PTPRQ: variants seen among roughly 807,000 people sequenced by gnomAD.
PTPRQ encodes the protein protein tyrosine phosphatase receptor type Q.
In PTPRQ, 199 loss-of-function variants were observed where a neutral mutation model predicts 246.0. The observed-to-expected ratio is 0.81, with a 90% confidence interval of 0.72 to 0.91. The LOEUF (loss-of-function observed/expected upper bound fraction) is 0.91. Among genes scored for constraint, PTPRQ ranks in the 40% least tolerant of loss-of-function variants. The probability of loss-of-function intolerance (pLI) is 0.00; values close to 1 mark genes in which losing one functional copy is unlikely to be tolerated. For synonymous variants in PTPRQ, 869 were observed against 853.2 expected (o/e 1.02, Z -0.32); for missense variants, 2,624 against 2,528.4 (o/e 1.04, Z -0.81).
chr12:80,449,552 A>T (rs1369299297), intron 3 of PTPRQ, among the ~76,000 whole-genome samples: 1 of 151,996 alleles, frequency 6.6e-6, no homozygotes, highest in Non-Finnish European at 1.5e-5. Context: ...TGATTTTTGT[A>T]TAAGGTGTAA....
At chr12:80,620,467 T>C in intron 32 of PTPRQ, 91 bp downstream of exon 32, 1 of 1,512,570 alleles carries the variant, frequency 6.6e-7, no homozygotes. Context: ...ATCTTTCCAA[T>C]AAGCACTGGA....
At chr12:80,668,965 T>C (rs1900876091) in intron 39 of PTPRQ, 42 bp from the exon 40 acceptor site, 4 of 1,514,368 alleles carry the variant, frequency 2.6e-6, no homozygotes, top group Middle Eastern at 1.7e-4. Flanking sequence ...ACACTGTATC[T>C]GTGAACACAG....
intron 37 of PTPRQ, among the ~76,000 whole-genome samples, chr12:80,651,814 A>G (rs769854441): frequency 6.4e-4 from 97 of 152,126 alleles, no homozygotes; most frequent in Non-Finnish European, 5.3e-4. Context: ...TTGGGTTAAA[A>G]AAATTTTGTA....
chr12:80,537,886 G>T (rs1896034772), intron 19 of PTPRQ, among the ~76,000 whole-genome samples: 2 of 152,112 alleles, frequency 1.3e-5, no homozygotes, highest in South Asian at 4.1e-4. Flanking sequence ...GAAGCAGGTG[G>T]ATCACGAGGT....
intron 33 of PTPRQ, among the ~76,000 whole-genome samples, chr12:80,630,310 G>C (rs1565829258): frequency 6.6e-6 from 1 of 151,854 alleles, no homozygotes; most frequent in East Asian, 1.9e-4. Context: ...CCCATATTTT[G>C]GATCTGTCTG....
intron 41 of PTPRQ, 106 bp from the exon 42 acceptor site, chr12:80,670,238 A>G: frequency 1.4e-6 from 2 of 1,460,412 alleles, no homozygotes; most frequent in East Asian, 2.5e-5. Flanking sequence ...GGTTTGGTAA[A>G]TAGTCATTTT....
At chr12:80,468,103 T>G (rs1470732679) in intron 6 of PTPRQ, among the ~76,000 whole-genome samples, 15 of 152,180 alleles carry the variant, frequency 9.9e-5, no homozygotes, top group African/African-American at 3.6e-4. Context: ...TGGAATTGTT[T>G]TATTTCAATT....
intron 26 of PTPRQ, among the ~76,000 whole-genome samples, chr12:80,602,477 GAGGTCCAAGATGA>G (rs1898174833): frequency 6.6e-6 from 1 of 151,766 alleles, no homozygotes; most frequent in South Asian, 2.1e-4. Context: ...TGGAAGCTGG[GAGGTCCAAGATGA>G]AGGTGCAGAC....
intron 39 of PTPRQ, among the ~76,000 whole-genome samples, chr12:80,660,717 C>T (rs1404478830): frequency 1.3e-5 from 2 of 151,986 alleles, no homozygotes; most frequent in Non-Finnish European, 2.9e-5. Context: ...ACATTAGAAA[C>T]ATCAGATTTG....
chr12:80,518,790 T>A (rs1895382670), intron 17 of PTPRQ, among the ~76,000 whole-genome samples: 2 of 152,190 alleles, frequency 1.3e-5, no homozygotes, highest in Non-Finnish European at 2.9e-5. Context: ...TCATTGTAGG[T>A]ATGTGAACTT....
chr12:80,498,604 A>G (rs1894700525), intron 14 of PTPRQ, among the ~76,000 whole-genome samples: 2 of 152,100 alleles, frequency 1.3e-5, no homozygotes, highest in South Asian at 2.1e-4. Context: ...TTCACAGCAC[A>G]TGCTGTTTTT....
intron 19 of PTPRQ, among the ~76,000 whole-genome samples, chr12:80,537,362 G>A (rs1355230619): frequency 6.6e-6 from 1 of 151,972 alleles, no homozygotes; most frequent in African/African-American, 2.4e-5. Context: ...ACAGAACTTT[G>A]TAGAATATGT....
intron 17 of PTPRQ, among the ~76,000 whole-genome samples, chr12:80,518,778 G>C (rs1895382180): frequency 6.6e-6 from 1 of 152,130 alleles, no homozygotes; most frequent in Non-Finnish European, 1.5e-5. Context: ...GCAAGAATGA[G>C]TTCATTGTAG....
At chr12:80,507,626 T>C (rs918530383) in intron 16 of PTPRQ, among the ~76,000 whole-genome samples, 1 of 151,950 alleles carries the variant, frequency 6.6e-6, no homozygotes, top group Non-Finnish European at 1.5e-5. Flanking sequence ...TGTTTTAACC[T>C]CTACCAAAGC....
rs570565449 is a variant in PTPRQ at position 80,630,335 on chromosome 12, A to T, written c.5687-1857A>T. The stretch of plus-strand genomic sequence containing the variant: ...GGATCTGTCTGGTGGTTTTCTCTTG[A>T]TGTCCTTTAATTTTTTTTCTTTCCA... On this transcript the variant is annotated intron_variant, in intron 33 of 44. Coordinates refer to ENST00000644991, the MANE Select transcript of PTPRQ (RefSeq NM_001145026.2). 3.3e-4 allele frequency among the ~76,000 whole-genome samples: 50 copies of T among 152,070 alleles called. 1 individual carries two copies. In the South Asian group the frequency reaches 0.01, roughly 31 times the overall value.
intron 8 of PTPRQ, among the ~76,000 whole-genome samples, chr12:80,477,270 G>A (rs1247879918): frequency 1.3e-5 from 2 of 151,890 alleles, no homozygotes; most frequent in Non-Finnish European, 1.5e-5. Flanking sequence ...AAATTAAAAC[G>A]CAGTCTAATT....
chr12:80,631,545 C>G (rs1899436375), intron 33 of PTPRQ, among the ~76,000 whole-genome samples: 1 of 152,142 alleles, frequency 6.6e-6, no homozygotes, highest in Admixed American at 6.5e-5. Flanking sequence ...TTGTTAGCTT[C>G]CTAGATCTCT....
At chr12:80,477,605 T>A (rs1005285676) in intron 8 of PTPRQ, among the ~76,000 whole-genome samples, 11 of 152,254 alleles carry the variant, frequency 7.2e-5, no homozygotes, top group Admixed American at 6.5e-5. Flanking sequence ...ATTTCTGCAT[T>A]TCCATCTGAG....
At chr12:80,604,908 G>T in intron 26 of PTPRQ, 151 bp from the exon 27 acceptor site, 1 of 718,430 alleles carries the variant, frequency 1.4e-6, no homozygotes, top group Non-Finnish European at 1.9e-6. Context: ...TTTTTATTTG[G>T]TAATGCCTTT....
Sources: allele counts gnomAD v4.1 joint callset (sites outside exome capture counted in the v4.1 genomes callset), GRCh38; gene constraint gnomAD v4.1.1; transcripts MANE v1.5; gene names NCBI Gene and HGNC (gene_info 2026-07-23, HGNC 2026-07-21).